The following EYS variants were observed in gnomAD, a reference collection of about 807,000 sequenced individuals.
The protein encoded by EYS is EGF-like photoreceptor maintenance factor.
EYS carries 250 observed loss-of-function variants against 282.1 expected under a neutral mutation model. The ratio of observed to expected loss-of-function variants is 0.89; its 90% CI spans 0.80 to 0.98. EYS has a LOEUF of 0.98. EYS is among the 50% of genes least tolerant of loss of function. The probability of loss-of-function intolerance (pLI) is 0.00; values close to 1 mark genes in which losing one functional copy is unlikely to be tolerated. For synonymous variants in EYS, 1,355 were observed against 1,282.9 expected (o/e 1.06, Z -1.20); for missense variants, 4,016 against 3,709.0 (o/e 1.08, Z -2.15).
At chr6:64,623,884 A>G (rs1390020802) in intron 23 of EYS, among the ~76,000 whole-genome samples, 1 of 152,136 alleles carries the variant, frequency 6.6e-6, no homozygotes, top group Non-Finnish European at 1.5e-5. Context: ...CATTAAGAAA[A>G]TGAGAAAGGG....
intron 29 of EYS, among the ~76,000 whole-genome samples, chr6:64,327,164 A>G (rs948520501): frequency 1.3e-5 from 2 of 152,080 alleles, no homozygotes; most frequent in African/African-American, 4.8e-5. Flanking sequence ...GAATGTGGGA[A>G]AAACCAGATC....
chr6:64,050,776 G>A (rs796399444), intron 33 of EYS, among the ~76,000 whole-genome samples: 15 of 152,310 alleles, frequency 9.8e-5, no homozygotes, highest in African/African-American at 2.9e-4. Context: ...TTTGCTTAAT[G>A]TGTTAAATCT....
At chr6:64,107,979 G>A (rs1773088580) in intron 31 of EYS, among the ~76,000 whole-genome samples, 1 of 152,064 alleles carries the variant, frequency 6.6e-6, no homozygotes, top group Admixed American at 6.6e-5. Context: ...AGGTAGTTTA[G>A]GCTCTGATAA....
At chr6:65,618,130 T>C (rs544928586) in intron 2 of EYS, among the ~76,000 whole-genome samples, 3 of 152,168 alleles carry the variant, frequency 2.0e-5, no homozygotes, top group African/African-American at 7.2e-5. Flanking sequence ...ATTGCCACAC[T>C]GACTTCCACA....
At chr6:65,042,493 A>G (rs894337370) in intron 13 of EYS, among the ~76,000 whole-genome samples, 1 of 151,220 alleles carries the variant, frequency 6.6e-6, no homozygotes, top group African/African-American at 2.4e-5. Context: ...TGATATAGCC[A>G]TCCCTTTTTA....
chr6:64,906,753 T>C (rs576840575), intron 16 of EYS, among the ~76,000 whole-genome samples: 29 of 152,298 alleles, frequency 1.9e-4, no homozygotes, highest in African/African-American at 6.7e-4. Flanking sequence ...CTTGAAGACA[T>C]ACAAAGTAGC....
chr6:64,980,844 T>C (rs1023411243), intron 14 of EYS, among the ~76,000 whole-genome samples: 9 of 151,290 alleles, frequency 5.9e-5, no homozygotes, highest in African/African-American at 2.2e-4. Flanking sequence ...CTTTGGAAAT[T>C]GTCCATTTGA....
At chr6:65,663,672 T>A (rs1220945566) in intron 1 of EYS, among the ~76,000 whole-genome samples, 1 of 151,870 alleles carries the variant, frequency 6.6e-6, no homozygotes, top group Admixed American at 6.6e-5. Flanking sequence ...GTAGATAAAA[T>A]CTTTATTTAT....
chr6:64,922,081 C>A (rs1232285484), intron 15 of EYS, among the ~76,000 whole-genome samples: 1 of 152,114 alleles, frequency 6.6e-6, no homozygotes, highest in Non-Finnish European at 1.5e-5. Flanking sequence ...AGACATGCAA[C>A]ATTGAGGGCC....
chr6:65,072,380 A>G (rs1773926348), intron 12 of EYS, among the ~76,000 whole-genome samples: 1 of 143,302 alleles, frequency 7.0e-6, no homozygotes, highest in Non-Finnish European at 1.5e-5. Flanking sequence ...AACAAAAACA[A>G]GAGAAGAGAC....
At chr6:63,983,572 A>T (rs1397966113) in intron 35 of EYS, among the ~76,000 whole-genome samples, 3 of 151,696 alleles carry the variant, frequency 2.0e-5, no homozygotes, top group African/African-American at 7.3e-5. Flanking sequence ...TTTATGGAGT[A>T]ATTATTGACT....
chr6:63,920,698 C>A (rs901955744), intron 35 of EYS, among the ~76,000 whole-genome samples: 31 of 152,286 alleles, frequency 2.0e-4, no homozygotes, highest in East Asian at 3.9e-4. Flanking sequence ...TCCAAAAAAA[C>A]AAACTTTTGA....
At chr6:64,816,610 C>G (rs1205251738) in intron 21 of EYS, among the ~76,000 whole-genome samples, 1 of 151,246 alleles carries the variant, frequency 6.6e-6, no homozygotes, top group East Asian at 1.9e-4. Flanking sequence ...GAACAAATAC[C>G]TAGAGAACAT....
chr6:65,673,170 T>A (rs1470465825), intron 1 of EYS, among the ~76,000 whole-genome samples: 1 of 152,002 alleles, frequency 6.6e-6, no homozygotes, highest in Non-Finnish European at 1.5e-5. Flanking sequence ...TTTATATTAA[T>A]AAGAAAAATA....
chr6:65,513,456 C>T (rs1582399634), intron 2 of EYS, among the ~76,000 whole-genome samples: 1 of 152,220 alleles, frequency 6.6e-6, no homozygotes, highest in Middle Eastern at 3.4e-3. Context: ...CAGCATCATC[C>T]TGATACCAAA....
At chr6:65,429,651 T>C (rs1767801588) in intron 5 of EYS, among the ~76,000 whole-genome samples, 1 of 152,032 alleles carries the variant, frequency 6.6e-6, no homozygotes, top group South Asian at 2.1e-4. Context: ...ATAAACAAAG[T>C]GATATTGGGA....
intron 8 of EYS, among the ~76,000 whole-genome samples, chr6:65,357,082 C>T (rs192928452): frequency 3.1e-4 from 47 of 152,040 alleles, no homozygotes; most frequent in Admixed American, 7.2e-4. Context: ...TACAACTGAG[C>T]CATTAATCTT....
chr6:63,956,519 GAC>G (rs1319631510), intron 35 of EYS, among the ~76,000 whole-genome samples: 2 of 152,194 alleles, frequency 1.3e-5, no homozygotes, highest in African/African-American at 4.8e-5. Flanking sequence ...GGACGTGCAT[GAC>G]ACTGCTTTTC....
chr6:64,322,258 G>C (rs911594116), intron 29 of EYS, among the ~76,000 whole-genome samples: 1 of 151,952 alleles, frequency 6.6e-6, no homozygotes, highest in Admixed American at 6.6e-5. Context: ...TGTAAACCTA[G>C]AGGGTTTACT....
Sources: gnomAD v4.1 joint callset for allele counts (sites outside exome capture counted in the v4.1 genomes callset) on GRCh38, gnomAD v4.1.1 for gene constraint, MANE v1.5 for transcripts, NCBI Gene and HGNC (gene_info 2026-07-23, HGNC 2026-07-21) for gene names.